The following ZNF440 variants were observed in gnomAD, a reference collection of about 807,000 sequenced individuals.
ZNF440 encodes the protein zinc finger protein 440.
In ZNF440, 47 loss-of-function variants were observed where a neutral mutation model predicts 49.7. That is an observed-to-expected ratio of 0.95 (90% CI 0.75 to 1.21). ZNF440 has a LOEUF of 1.21. Among genes scored for constraint, ZNF440 ranks in the 50% most tolerant of loss-of-function variants. The pLI, the probability that ZNF440 is intolerant of heterozygous loss-of-function variation, is 0.00. For missense variants in ZNF440, 703 were observed against 715.0 expected (o/e 0.98, Z 0.19); for synonymous variants, 255 against 237.7 (o/e 1.07, Z -0.67).
chr19:11,825,472 C>T (rs572926627), intron 1 of ZNF440, among the ~76,000 whole-genome samples: 60 of 152,260 alleles, frequency 3.9e-4, no homozygotes, highest in Admixed American at 1.3e-3. Flanking sequence ...TCTTTTGCCA[C>T]CCCTATTTAT....
chr19:11,832,457 G>A lies in ZNF440; in HGVS notation c.1281G>A (p.Lys427=), dbSNP rs755144024. 2.5e-6 allele frequency: 4 copies of A among 1,613,750 alleles called. No homozygotes were observed. The highest frequency in any genetic ancestry group is 1.6e-4 in the Middle Eastern group (1 of 6,084). ...THTGEKPYEC[K]ECGKAFRYVN... ...CTGGAGAGAAACCGTATGAATGTAA[G>A]GAATGTGGGAAAGCCTTCAGATATG... The change falls in exon 4 of 4, where the codon AAG becomes AAA. Residue 427 remains lysine (K), a synonymous_variant. Transcript: ENST00000304060.
At chr19:11,816,084 T>A (rs1420215091) in intron 1 of ZNF440, 1 of 163,134 alleles carries the variant, frequency 6.1e-6, no homozygotes, top group Non-Finnish European at 1.3e-5. Flanking sequence ...GACAGTTTGG[T>A]TTTATTCATT....
In ZNF440 at chr19:11,833,574, C is replaced by A; in HGVS notation, c.*610C>A. The A allele has an allele frequency of 3.5e-6, 1 of 285,106 alleles. No homozygotes were observed. 17.7% of individuals were successfully genotyped at this position (285,106 alleles called of 1,614,324 possible). A position where few individuals can be genotyped will look rare whatever the true frequency, so the allele number is the denominator to read the frequency against. On this transcript the variant is annotated 3_prime_UTR_variant, in exon 4 of 4. Transcript: ENST00000304060. ...AGAACACACTAGGGAGAAACCCTAT[C>A]AATGTAAGCAATGTGCAAAAGCCTT...
intron 1 of ZNF440, among the ~76,000 whole-genome samples, chr19:11,819,133 C>T (rs1284260345): frequency 6.6e-6 from 1 of 151,802 alleles, no homozygotes; most frequent in African/African-American, 2.4e-5. Flanking sequence ...CATAGTGAGA[C>T]CCTCCCCCCC....
chr19:11,827,881 C>CATTTTT (rs1227287360), intron 1 of ZNF440, among the ~76,000 whole-genome samples: 1 of 151,980 alleles, frequency 6.6e-6, no homozygotes, highest in East Asian at 1.9e-4. Context: ...CTCCAGCTTG[C>CATTTTT]ATTTTTAATA....
chr19:11,833,505 G>A lies in ZNF440; in HGVS notation c.*541G>A. The A allele has an allele frequency of 3.1e-6, 1 of 320,974 alleles. No individual in the cohort carries two copies. The highest frequency in any genetic ancestry group is 3.3e-5 in the South Asian group (1 of 30,066). The allele number at this position is 320,974 out of a possible 1,614,324, so 19.9% of individuals were successfully genotyped here. A position where few individuals can be genotyped will look rare whatever the true frequency, so the allele number is the denominator to read the frequency against. On this transcript the variant is annotated 3_prime_UTR_variant, in exon 4 of 4. Coordinates refer to ENST00000304060, the MANE Select transcript of ZNF440 (RefSeq NM_152357.3). ...AGGAAACACTATGAATGCAAGCAAT[G>A]TGGCAAAGCTTTCACTTCTTCCAGT...
At chr19:11,827,842 C>A (rs754112528) in intron 1 of ZNF440, among the ~76,000 whole-genome samples, 6 of 152,048 alleles carry the variant, frequency 3.9e-5, no homozygotes, top group African/African-American at 1.4e-4. Context: ...TCTCGAACTG[C>A]GGGGCTCAAA....
rs780273051 is a variant in ZNF440 at position 11,814,451 on chromosome 19, G to A, written c.3+1G>A. 3 of 1,551,140 alleles carry A rather than the reference G, an allele frequency of 1.9e-6. No individual in the cohort carries two copies. The highest frequency in any genetic ancestry group is 2.6e-6 in the Non-Finnish European group (3 of 1,149,674). Reference sequence around the variant, plus strand: ...GGAACACCCTGGAAGCCGAGAAATGGTGTGTGTGAGGGGGCTGGCGTCCGG... The same window carrying A: ...GGAACACCCTGGAAGCCGAGAAATGATGTGTGTGAGGGGGCTGGCGTCCGG... On this transcript the variant is annotated splice_donor_variant, in intron 1 of 3. Coordinates refer to ENST00000304060, the MANE Select transcript of ZNF440 (RefSeq NM_152357.3). LOFTEE classifies it high-confidence loss of function.
intron 1 of ZNF440, among the ~76,000 whole-genome samples, chr19:11,824,428 G>A (rs1022298666): frequency 6.6e-6 from 1 of 151,964 alleles, no homozygotes; most frequent in African/African-American, 2.4e-5. Flanking sequence ...TAAGATAACT[G>A]CCTTACTTTT....
At chr19:11,831,318 A>G in intron 3 of ZNF440, 50 bp from the exon 4 acceptor site, 1 of 1,566,866 alleles carries the variant, frequency 6.4e-7, no homozygotes, top group South Asian at 1.2e-5. Flanking sequence ...TGATTAATAT[A>G]GAAGTACTTA....
chr19:11,816,064 G>A (rs1975729598), intron 1 of ZNF440: 1 of 155,322 alleles, frequency 6.4e-6, no homozygotes. Context: ...GTGGTCCCGA[G>A]GCAGCTCAAG....
rs1199806763 is a variant in ZNF440 at position 11,832,606 on chromosome 19, A to G, written c.1430A>G (p.Glu477Gly). The G allele has an allele frequency of 6.2e-7, 1 of 1,613,398 alleles. No homozygotes were observed. Among genetic ancestry groups the G allele is most frequent in the Non-Finnish European group, 8.5e-7 (1 of 1,179,892 alleles). The change falls in exon 4 of 4, where the codon GAA (glutamate) becomes GGA (glycine). Residue 477 changes from glutamate to glycine, a missense_variant. Transcript: ENST00000304060. ...TGTCCCAAATCATTTCAAAGACATGAAAAAACTCACACTGGAGAGAAACTC... is the reference window on the plus strand; with the variant it reads ...TGTCCCAAATCATTTCAAAGACATGGAAAAACTCACACTGGAGAGAAACTC... ...FYCPKSFQRHEKTHTGEKLYE... is the reference protein window; with the variant it reads ...FYCPKSFQRHGKTHTGEKLYE...
chr19:11,819,230 C>T (rs749903908), intron 1 of ZNF440, among the ~76,000 whole-genome samples: 13 of 152,060 alleles, frequency 8.5e-5, no homozygotes, highest in Non-Finnish European at 1.9e-4. Flanking sequence ...TCATTTACAA[C>T]ATTTTACAAA....
At chr19:11,823,261 A>G (rs982275843) in intron 1 of ZNF440, among the ~76,000 whole-genome samples, 22 of 152,122 alleles carry the variant, frequency 1.4e-4, no homozygotes, top group African/African-American at 4.6e-4. Flanking sequence ...TCTAATCCTA[A>G]TTACTTTTCA....
In ZNF440 at chr19:11,831,690, A is replaced by C; in HGVS notation, c.514A>C (p.Asn172His). The change falls in exon 4 of 4, where the codon AAT (asparagine) becomes CAT (histidine). Residue 172 changes from asparagine to histidine, a missense_variant. Asn to His is a moderately conservative substitution (Grantham distance 68). Transcript: ENST00000304060. Reference sequence around the variant, plus strand: ...AAGGGATCACACTGGAGAGAAACCCAATGCTTGTAAAGTATGTGGAAAAAC... The same window carrying C: ...AAGGGATCACACTGGAGAGAAACCCCATGCTTGTAAAGTATGTGGAAAAAC... ...QERDHTGEKP[N>H]ACKVCGKTFI... The C allele has an allele frequency of 1.2e-6, 2 of 1,613,650 alleles. No individual in the cohort carries two copies. Among genetic ancestry groups the C allele is most frequent in the South Asian group, 2.2e-5 (2 of 91,010 alleles).
Position 11,832,077 on chromosome 19 carries a change from A to G in ZNF440, c.901A>G (p.Ile301Val), listed in dbSNP as rs771145601. ...ATTCACGTGTCCCCGTTATGTTCGT[A>G]TACATGAAAGGACCCACTCTAGGAA... Reference protein sequence around the residue: ...KAFTCPRYVRIHERTHSRKNL... With the variant: ...KAFTCPRYVRVHERTHSRKNL... Residue 301 changes from isoleucine to valine, a missense_variant, in exon 4 of 4, where the codon ATA becomes GTA. Physicochemically the swap from Ile to Val is conservative, Grantham distance 29. Coordinates refer to ENST00000304060, the MANE Select transcript of ZNF440 (RefSeq NM_152357.3). 2 of 1,614,188 alleles carry G rather than the reference A, an allele frequency of 1.2e-6. No homozygotes were observed. The highest frequency in any genetic ancestry group is 1.7e-5 in the Admixed American group (1 of 60,016).
chr19:11,820,212 A>G (rs1441030638), intron 1 of ZNF440, among the ~76,000 whole-genome samples: 1 of 151,720 alleles, frequency 6.6e-6, no homozygotes, highest in Non-Finnish European at 1.5e-5. Context: ...ACACCCTCGT[A>G]TCCTTTTTGT....
At chr19:11,816,631 A>C (rs999373479) in intron 1 of ZNF440, 7 of 151,962 alleles carry the variant, frequency 4.6e-5, no homozygotes, top group Non-Finnish European at 1.0e-4. Context: ...CTGGGAAGGT[A>C]CTTTGTTTTT....
chr19:11,828,309 C>CAG (rs58255163), intron 1 of ZNF440, among the ~76,000 whole-genome samples: 144,307 of 152,038 alleles, frequency 0.95, 68,565 homozygotes, highest in East Asian at 1. Context: ...TTCTCCACGT[C>CAG]CCAGTCAAGT....
Sources: gnomAD v4.1 joint callset for allele counts (sites outside exome capture counted in the v4.1 genomes callset) on GRCh38, gnomAD v4.1.1 for gene constraint, MANE v1.5 for transcripts, NCBI Gene and HGNC (gene_info 2026-07-23, HGNC 2026-07-21) for gene names.